Variants in NTRK3 observed in about 807,000 individuals in gnomAD.
NTRK3 encodes the protein neurotrophic receptor tyrosine kinase 3.
NTRK3 carries 24 observed loss-of-function variants against 91.7 expected under a neutral mutation model. That is an observed-to-expected ratio of 0.26 (90% confidence interval 0.19 to 0.37). The LOEUF is 0.37. Ranked by LOEUF, NTRK3 falls within the 10% of genes least tolerant of loss-of-function variation. The probability of loss-of-function intolerance (pLI) is 1.00; values close to 1 mark genes in which losing one functional copy is unlikely to be tolerated. For synonymous variants in NTRK3, 483 were observed against 404.0 expected (o/e 1.20, Z -2.34); for missense variants, 880 against 1,068.9 (o/e 0.82, Z 2.46).
chr15:88,120,731 T>C (rs1352889476), intron 13 of NTRK3, among the ~76,000 whole-genome samples: 1 of 152,234 alleles, frequency 6.6e-6, no homozygotes, highest in Non-Finnish European at 1.5e-5. Flanking sequence ...TCAAAGTTAA[T>C]TAATCAGAGC....
intron 14 of NTRK3, among the ~76,000 whole-genome samples, chr15:87,958,379 T>C (rs1456033756): frequency 6.6e-6 from 1 of 152,210 alleles, no homozygotes; most frequent in Non-Finnish European, 1.5e-5. Flanking sequence ...ATCTGAAGGA[T>C]GCTCAGATAT....
chr15:87,945,812 A>C lies in NTRK3; in HGVS notation c.1586-5059T>G, dbSNP rs899135257. On this transcript the variant is annotated intron_variant, in intron 14 of 18. Coordinates refer to ENST00000394480, the Ensembl canonical transcript of NTRK3. ...AAAGAGTGAAGACTGGGAAAAAAAAAAAAAAAAAAAAAAAAAACAGATCTC... is the reference window on the plus strand; with the variant it reads ...AAAGAGTGAAGACTGGGAAAAAAAACAAAAAAAAAAAAAAAAACAGATCTC... Among the ~76,000 whole-genome samples, 19 of 151,184 alleles carry C rather than the reference A, an allele frequency of 1.3e-4. No homozygotes were observed. In the East Asian group the frequency reaches 1.4e-3, roughly 11 times the overall value.
intron 5 of NTRK3, among the ~76,000 whole-genome samples, chr15:88,147,983 A>G (rs576838623): frequency 2.2e-4 from 34 of 152,346 alleles, no homozygotes; most frequent in African/African-American, 7.9e-4. Context: ...TCTGGATAAA[A>G]GAAGAAACAC....
At chr15:87,900,517 C>G (rs945038346) in intron 17 of NTRK3, among the ~76,000 whole-genome samples, 6 of 152,156 alleles carry the variant, frequency 3.9e-5, no homozygotes, top group Non-Finnish European at 8.8e-5. Context: ...TCTCAATGTT[C>G]ATACTTGGAA....
At chr15:88,245,785 A>G (rs967970386) in intron 3 of NTRK3, among the ~76,000 whole-genome samples, 1 of 152,216 alleles carries the variant, frequency 6.6e-6, no homozygotes, top group African/African-American at 2.4e-5. Context: ...CTGAGGATCA[A>G]CAAGGTCAAG....
chr15:88,056,743 A>AAG, intron 13 of NTRK3, among the ~76,000 whole-genome samples: 1 of 152,326 alleles, frequency 6.6e-6, no homozygotes, highest in Non-Finnish European at 1.5e-5. Context: ...CTTTCTCAGT[A>AAG]TCTCCCCATT....
rs961951796 is a variant in NTRK3, at chr15:88,241,410, A to G, written c.248+14496T>C. Among the ~76,000 whole-genome samples, 1 of 152,164 alleles carries G rather than the reference A, an allele frequency of 6.6e-6. No homozygotes were observed. Among genetic ancestry groups the G allele is most frequent in the Non-Finnish European group, 1.5e-5 (1 of 68,022 alleles). The stretch of plus-strand genomic sequence containing the variant: ...GATGGGGGTGATGGGCGCAGGGAAG[A>G]GCAACCAATCATTTCCAGGGAGACA... On this transcript the variant is annotated intron_variant, in intron 3 of 18. Coordinates refer to ENST00000394480, the Ensembl canonical transcript of NTRK3. This position sits in a 1 kb window ranked among gnomAD's most constrained non-coding sequence, Gnocchi z 4.3.
intron 13 of NTRK3, among the ~76,000 whole-genome samples, chr15:88,087,860 C>T (rs957125711): frequency 5.3e-5 from 8 of 152,126 alleles, no homozygotes; most frequent in African/African-American, 1.9e-4. Context: ...ACCAGCCTGG[C>T]CAACATGGTG....
chr15:87,958,327 T>C (rs78899571), intron 14 of NTRK3, among the ~76,000 whole-genome samples: 1 of 152,230 alleles, frequency 6.6e-6, no homozygotes, highest in East Asian at 1.9e-4. Context: ...CTGAGCATCC[T>C]TAGGACGGAA....
intron 3 of NTRK3, among the ~76,000 whole-genome samples, chr15:88,228,731 A>G (rs977478892): frequency 6.6e-6 from 1 of 152,196 alleles, no homozygotes; most frequent in Non-Finnish European, 1.5e-5. Flanking sequence ...ACGCAGTAAC[A>G]GAGGGGAACT....
Position 88,145,180 on chromosome 15 carries a change from C to A in NTRK3, c.464+2155G>T, listed in dbSNP as rs983664898. Reference sequence around the variant, plus strand: ...AAGGAAGTCAGACAAGAAAATACTACCCCCTCTTCCATTTGCCAGGAACTG... The same window carrying A: ...AAGGAAGTCAGACAAGAAAATACTAACCCCTCTTCCATTTGCCAGGAACTG... On this transcript the variant is annotated intron_variant, in intron 6 of 18. Coordinates refer to ENST00000394480, the Ensembl canonical transcript of NTRK3. 6.6e-5 allele frequency among the ~76,000 whole-genome samples: 10 copies of A among 152,304 alleles called. No homozygotes were observed. The South Asian group carries it at 1.7e-3, about 25-fold the overall frequency.
At chr15:88,002,627 C>A (rs1302850343) in intron 14 of NTRK3, among the ~76,000 whole-genome samples, 1 of 148,260 alleles carries the variant, frequency 6.7e-6, no homozygotes, top group Non-Finnish European at 1.5e-5. Flanking sequence ...TAACTCTCAC[C>A]TTGAAATAAA....
chr15:88,109,552 GC>G (rs1160648929), intron 13 of NTRK3, among the ~76,000 whole-genome samples: 1 of 152,158 alleles, frequency 6.6e-6, no homozygotes, highest in African/African-American at 2.4e-5. Context: ...AATAAAGAGA[GC>G]TTTTCCCGCC....
chr15:88,136,813 T>C (rs527312292), intron 7 of NTRK3, among the ~76,000 whole-genome samples: 98 of 152,340 alleles, frequency 6.4e-4, no homozygotes, highest in African/African-American at 2.2e-3. Flanking sequence ...TTGAAGCCCA[T>C]GCAGTTGCAG....
At chr15:87,880,315 G>A (rs2141466911) in exon 18 of NTRK3, 1 of 1,614,106 alleles carries the variant, frequency 6.2e-7, no homozygotes. Flanking sequence ...CATAGGTGAA[G>A]ATCTCCCAGA....
chr15:88,014,129 T>C (rs1319504877), intron 14 of NTRK3, among the ~76,000 whole-genome samples: 2 of 152,216 alleles, frequency 1.3e-5, no homozygotes, highest in African/African-American at 4.8e-5. Flanking sequence ...AAGGATGCCT[T>C]CTGGGTTCAA....
intron 6 of NTRK3, chr15:88,144,042 G>T (rs537055385): frequency 6.6e-6 from 1 of 152,196 alleles, no homozygotes; most frequent in Admixed American, 6.5e-5. Flanking sequence ...TGCCTAAATT[G>T]TATCTTGAGA....
At chr15:88,222,485 T>A (rs2050317074) in intron 3 of NTRK3, among the ~76,000 whole-genome samples, 2 of 152,224 alleles carry the variant, frequency 1.3e-5, no homozygotes, top group African/African-American at 2.4e-5. Flanking sequence ...TTTTTAAAGA[T>A]ATATCATCCC....
At chr15:88,061,678 G>A (rs985714754) in intron 13 of NTRK3, among the ~76,000 whole-genome samples, 8 of 152,224 alleles carry the variant, frequency 5.3e-5, no homozygotes, top group Admixed American at 1.3e-4. Flanking sequence ...CTGGCAGGGT[G>A]GCGAACTCAG....
Sources: gnomAD v4.1 joint callset for allele counts (sites outside exome capture counted in the v4.1 genomes callset) on GRCh38, gnomAD v4.1.1 for gene constraint, Gnocchi (gnomAD v3.1) non-coding constraint, MANE v1.5 for transcripts, NCBI Gene and HGNC (gene_info 2026-07-23, HGNC 2026-07-21) for gene names.